The following LFNG variants were observed in gnomAD, a reference collection of about 807,000 sequenced individuals.
The protein encoded by LFNG is beta-1,3-N-acetylglucosaminyltransferase lunatic fringe.
In LFNG, 15 loss-of-function variants were observed where a neutral mutation model predicts 32.7. The ratio of observed to expected loss-of-function variants is 0.46; its 90% CI spans 0.31 to 0.71. The LOEUF is 0.71. LFNG is among the 30% of genes least tolerant of loss of function. LFNG has a pLI of 0.06. For synonymous variants in LFNG, 274 were observed against 246.8 expected (o/e 1.11, Z -1.03); for missense variants, 520 against 545.7 (o/e 0.95, Z 0.47).
chr7:2,515,238 C>CCATG (rs1779601532), upstream of LFNG, among the ~76,000 whole-genome samples: 3 of 133,936 alleles, frequency 2.2e-5, no homozygotes, highest in African/African-American at 1.0e-4. Flanking sequence ...ATCCAACCAT[C>CCATG]CATCCATCTG....
Position 2,528,072 on chromosome 7 carries a change from G to T in LFNG, c.*860G>T. 4.3e-6 allele frequency: 2 copies of T among 465,576 alleles called. No homozygotes were observed. Among genetic ancestry groups the T allele is most frequent in the African/African-American group, 2.2e-5 (1 of 45,484 alleles). The allele number at this position is 465,576 out of a possible 1,614,324, so 28.8% of individuals were successfully genotyped here. A position where few individuals can be genotyped will look rare whatever the true frequency, so the allele number is the denominator to read the frequency against. On this transcript the variant is annotated 3_prime_UTR_variant, in exon 8 of 8. Transcript: ENST00000222725. The stretch of plus-strand genomic sequence containing the variant: ...GGGTGTTCTTGTTTTTTGCTTGGGA[G>T]GGTGGGGGTGGGGGAGGGTCTTATT...
At chr7:2,519,391 G>A (rs1369095387), upstream of LFNG, among the ~76,000 whole-genome samples, 1 of 152,180 alleles carries the variant, frequency 6.6e-6, no homozygotes, top group Non-Finnish European at 1.5e-5. Context: ...GGAGCCCAGA[G>A]CCCGGGTCTC....
upstream of LFNG, chr7:2,513,276 A>G (rs199517402): frequency 1.4e-6 from 2 of 1,463,800 alleles, no homozygotes; most frequent in African/African-American, 3.2e-5. Context: ...TGGATGGATG[A>G]GTGGAGCCCA....
Position 2,519,803 on chromosome 7 carries a change from T to C in LFNG, c.-59T>C. The stretch of plus-strand genomic sequence containing the variant: ...GACTGCGCCGCCGGAGCGACGGGCT[T>C]CGGGTCGGTGCAAGGCAGGCGCACG... On this transcript the variant is annotated 5_prime_UTR_variant, in exon 1 of 8. Coordinates refer to ENST00000222725, the MANE Select transcript of LFNG (RefSeq NM_001040167.2). 1.0e-6 allele frequency: 1 copy of C among 984,452 alleles called. No individual in the cohort carries two copies. The highest frequency in any genetic ancestry group is 1.2e-6 in the Non-Finnish European group (1 of 818,808). The allele number at this position is 984,452 out of a possible 1,614,324, so 61.0% of individuals were successfully genotyped here.
upstream of LFNG, among the ~76,000 whole-genome samples, chr7:2,519,257 C>G (rs766907317): frequency 1.8e-3 from 276 of 152,300 alleles, no homozygotes; most frequent in Middle Eastern, 6.8e-3. Context: ...TCCCCTGAAC[C>G]GAGCGCTCGG....
At chr7:2,525,820 C>G (rs2128377575) in intron 5 of LFNG, 50 bp downstream of exon 5, 2 of 1,496,228 alleles carry the variant, frequency 1.3e-6, no homozygotes, top group African/African-American at 2.7e-5. Context: ...CTCCTCGCCA[C>G]TGTGGGGCCT....
At position 2,519,833 on chromosome 7, in the gene LFNG, A is replaced by G. The variant is rs967266390; in HGVS notation, c.-29A>G. 9 of 1,072,056 alleles carry G rather than the reference A, an allele frequency of 8.4e-6. No homozygotes were observed. Among genetic ancestry groups the G allele is most frequent in the Non-Finnish European group, 1.0e-5 (9 of 885,880 alleles). 66.4% of individuals were successfully genotyped at this position (1,072,056 alleles called of 1,614,324 possible). A position where few individuals can be genotyped will look rare whatever the true frequency, so the allele number is the denominator to read the frequency against. ...TCGGTGCAAGGCAGGCGCACGGGGA[A>G]GGGCGCGCCGCGCGGCCGCCACCCC... is the stretch of plus-strand genomic sequence containing the variant. On this transcript the variant is annotated 5_prime_UTR_variant, in exon 1 of 8. Transcript: ENST00000222725.
At chr7:2,528,438 G>A (rs1780064599), downstream of LFNG, 5 of 992,458 alleles carry the variant, frequency 5.0e-6, no homozygotes, top group South Asian at 1.8e-4. Flanking sequence ...AATCCTGGGG[G>A]TCCTGGTCTT....
rs201970001 is a variant in LFNG, at chr7:2,527,242, G to A, written c.*30G>A. 66 of 1,609,364 alleles carry A rather than the reference G, an allele frequency of 4.1e-5. No individual in the cohort carries two copies. Among genetic ancestry groups the A allele is most frequent in the East Asian group, 8.9e-5 (4 of 44,790 alleles). On this transcript the variant is annotated 3_prime_UTR_variant, in exon 8 of 8. Coordinates refer to ENST00000222725, the MANE Select transcript of LFNG (RefSeq NM_001040167.2). This position sits in a 1 kb window ranked among gnomAD's most constrained non-coding sequence, Gnocchi z 4.4. ...CATGGCTGAGACCCAATCCCTGGGC[G>A]CCCCTGGTATCCAAAGGGCCCAGGG...
At chr7:2,518,667 A>AG (rs879225182), upstream of LFNG, 39 of 1,572,330 alleles carry the variant, frequency 2.5e-5, no homozygotes, top group South Asian at 2.9e-4. Context: ...CATAACTCCG[A>AG]GGGGGGCAGT....
chr7:2,525,082 G>A (rs765676375), intron 2 of LFNG, 137 bp from the exon 3 acceptor site: 18 of 789,674 alleles, frequency 2.3e-5, no homozygotes, highest in South Asian at 6.2e-5. Flanking sequence ...GAGCTAGGGT[G>A]GGGGAGGCTA....
At chr7:2,525,170 T>C (rs1186476513) in intron 2 of LFNG, 49 bp from the exon 3 acceptor site, 1 of 1,538,070 alleles carries the variant, frequency 6.5e-7, no homozygotes, top group Non-Finnish European at 9.0e-7. Flanking sequence ...GCCAGGCCCC[T>C]CTCTGGGAGC....
upstream of LFNG, among the ~76,000 whole-genome samples, chr7:2,519,577 C>T (rs1054400747): frequency 3.3e-5 from 5 of 150,510 alleles, no homozygotes; most frequent in Non-Finnish European, 5.9e-5. Context: ...GGGTGCGGGG[C>T]GTGCACGTGC....
At chr7:2,521,541 G>A (rs1053017072) in intron 1 of LFNG, among the ~76,000 whole-genome samples, 2 of 152,226 alleles carry the variant, frequency 1.3e-5, no homozygotes, top group East Asian at 3.9e-4. Context: ...GCGATGAGGG[G>A]ACCAGCGGGC....
intron 1 of LFNG, among the ~76,000 whole-genome samples, chr7:2,524,006 G>A (rs537586442): frequency 6.6e-6 from 1 of 152,270 alleles, no homozygotes; most frequent in East Asian, 1.9e-4. Context: ...AGCCTGGCCC[G>A]GTTAACCAGG....
intron 1 of LFNG, 81 bp from the exon 2 acceptor site, chr7:2,524,614 G>T: frequency 7.4e-7 from 1 of 1,353,998 alleles, no homozygotes; most frequent in South Asian, 1.2e-5. Flanking sequence ...AGCAACTCCA[G>T]GGCGCCCCGT....
Position 2,525,229 on chromosome 7 carries a change from C to A in LFNG, c.492C>A (p.Val164=). 2 of 1,612,778 alleles carry A rather than the reference C, an allele frequency of 1.2e-6. No homozygotes were observed. Among genetic ancestry groups the A allele is most frequent in the South Asian group, 1.1e-5 (1 of 91,046 alleles). ...CTCCCCTGTCCACAGGCAACGTGGT[C>A]ATCACAAACTGCTCGGCCGCCCACA... The part of the protein sequence containing the change: ...EALARHTGNV[V]ITNCSAAHSR... Residue 164 remains valine, a synonymous_variant, in exon 3 of 8, where the codon GTC becomes GTA. Transcript: ENST00000222725.
chr7:2,516,799 G>C (rs752394268), upstream of LFNG, among the ~76,000 whole-genome samples: 2 of 152,254 alleles, frequency 1.3e-5, no homozygotes, highest in Non-Finnish European at 1.5e-5. Flanking sequence ...GCCAGGGCCA[G>C]AGCTGGCCTG....
chr7:2,526,467 T>C lies in LFNG; in HGVS notation c.987+58T>C, dbSNP rs963613057. On this transcript the variant is annotated intron_variant, in intron 6 of 7. Coordinates refer to ENST00000222725, the MANE Select transcript of LFNG (RefSeq NM_001040167.2). The surrounding 1 kb of genome is among the most constrained non-coding windows in gnomAD (Gnocchi z 6.9). Reference sequence around the variant, plus strand: ...GAGAGCACAGGAAGGGACGTGTGGCTGCCGAGAGGGGCGCAGTGGGGTGGG... The same window carrying C: ...GAGAGCACAGGAAGGGACGTGTGGCCGCCGAGAGGGGCGCAGTGGGGTGGG... The C allele has an allele frequency of 3.2e-6, 5 of 1,582,432 alleles. No homozygotes were observed. The African/African-American group carries it at 6.7e-5, about 21-fold the overall frequency.
Sources: gnomAD v4.1 joint callset for allele counts (sites outside exome capture counted in the v4.1 genomes callset) on GRCh38, gnomAD v4.1.1 for gene constraint, Gnocchi (gnomAD v3.1) non-coding constraint, MANE v1.5 for transcripts, NCBI Gene and HGNC (gene_info 2026-07-23, HGNC 2026-07-21) for gene names.